Variants in CADPS2 observed in about 807,000 individuals in gnomAD.
CADPS2 encodes calcium dependent secretion activator 2, also known as calcium-dependent secretion activator 2.
CADPS2 carries 93 observed loss-of-function variants against 172.5 expected under a neutral mutation model. That is an observed-to-expected ratio of 0.54 (90% confidence interval 0.46 to 0.64). The LOEUF is 0.64. Ranked by LOEUF, CADPS2 falls within the 30% of genes least tolerant of loss-of-function variation. CADPS2 has a pLI of 0.00. For missense variants in CADPS2, 1,420 were observed against 1,565.9 expected (o/e 0.91, Z 1.57); for synonymous variants, 546 against 555.2 (o/e 0.98, Z 0.23).
intron 28 of CADPS2, among the ~76,000 whole-genome samples, chr7:122,334,023 C>T (rs964003748): frequency 4.6e-5 from 7 of 151,832 alleles, no homozygotes; most frequent in South Asian, 2.1e-4. Context: ...ATTAAATACA[C>T]GTTAAAGCTG....
intron 2 of CADPS2, among the ~76,000 whole-genome samples, chr7:122,723,650 C>A (rs2090745016): frequency 6.6e-6 from 1 of 152,110 alleles, no homozygotes; most frequent in Admixed American, 6.6e-5. Flanking sequence ...ACTAGAAATA[C>A]CATTTGACCC....
At chr7:122,797,981 G>A (rs1360955805) in intron 1 of CADPS2, among the ~76,000 whole-genome samples, 1 of 150,750 alleles carries the variant, frequency 6.6e-6, no homozygotes, top group East Asian at 1.9e-4. Context: ...TAATATTTGT[G>A]TCAAGTTTTT....
At chr7:122,322,944 C>T (rs1484632885) in intron 29 of CADPS2, among the ~76,000 whole-genome samples, 2 of 152,238 alleles carry the variant, frequency 1.3e-5, no homozygotes, top group East Asian at 3.9e-4. Context: ...CTCTGCTGAA[C>T]CATGCAGGCC....
At chr7:122,385,833 G>A (rs2043592817) in intron 24 of CADPS2, among the ~76,000 whole-genome samples, 1 of 151,976 alleles carries the variant, frequency 6.6e-6, no homozygotes, top group African/African-American at 2.4e-5. Context: ...TTTGGGTGTG[G>A]CCTCCTGGTT....
At chr7:122,676,551 A>C in intron 2 of CADPS2, 1 of 618,954 alleles carries the variant, frequency 1.6e-6, no homozygotes, top group East Asian at 3.1e-5. Flanking sequence ...CAGTTGGAGA[A>C]GGATGCTGTT....
chr7:122,581,412 T>C, intron 6 of CADPS2, 122 bp from the exon 7 acceptor site: 1 of 686,622 alleles, frequency 1.5e-6, no homozygotes, highest in South Asian at 1.9e-5. Context: ...CTTTTTATCT[T>C]TGCTTTTGTT....
At chr7:122,769,355 A>G (rs541032670) in intron 1 of CADPS2, among the ~76,000 whole-genome samples, 2 of 152,304 alleles carry the variant, frequency 1.3e-5, no homozygotes, top group East Asian at 3.9e-4. Context: ...AAAGCCATAC[A>G]TGGACCCACA....
At chr7:122,432,643 T>TAAAAAAAAAA (rs57311950) in intron 17 of CADPS2, among the ~76,000 whole-genome samples, 6 of 108,478 alleles carry the variant, frequency 5.5e-5, no homozygotes, top group East Asian at 2.6e-4. Flanking sequence ...TCTGTTAAAA[T>TAAAAAAAAAA]AAAAAAAAAA....
intron 8 of CADPS2, among the ~76,000 whole-genome samples, chr7:122,544,314 C>A (rs1484472474): frequency 2.6e-5 from 4 of 152,072 alleles, no homozygotes; most frequent in Non-Finnish European, 2.9e-5. Context: ...TATGATTAAT[C>A]CAGCTCCATG....
intron 14 of CADPS2, 24 bp from the exon 15 acceptor site, chr7:122,451,499 A>ATGAATTATTG: frequency 6.7e-6 from 9 of 1,342,298 alleles, no homozygotes; most frequent in South Asian, 1.4e-5. Context: ...CAGAATCAAT[A>ATGAATTATTG]ATTCATATTG....
chr7:122,735,162 TGTGATGCTATACTCAACCA>T (rs1206582444), intron 2 of CADPS2, among the ~76,000 whole-genome samples: 1 of 152,120 alleles, frequency 6.6e-6, no homozygotes, highest in African/African-American at 2.4e-5. Flanking sequence ...AGAATCAAGT[TGTGATGCTATACTCAACCA>T]GTCCATTCTA....
At chr7:122,481,403 C>T (rs2057291492) in intron 11 of CADPS2, among the ~76,000 whole-genome samples, 1 of 152,134 alleles carries the variant, frequency 6.6e-6, no homozygotes. Context: ...TCAATTCTGC[C>T]TTGACAATAA....
chr7:122,386,988 C>T lies in CADPS2; in HGVS notation c.3312+38G>A. Reference sequence around the variant, plus strand: ...AAGGGCATTTCCCATGCCAAGGCACCCTGTGCTGCCTTTCCCCATGTGGCA... The same window carrying T: ...AAGGGCATTTCCCATGCCAAGGCACTCTGTGCTGCCTTTCCCCATGTGGCA... On this transcript the variant is annotated intron_variant, in intron 24 of 29. Transcript: ENST00000449022. 2.6e-6 allele frequency: 4 copies of T among 1,544,378 alleles called. No homozygotes were observed. In the South Asian group the frequency reaches 3.6e-5, roughly 14 times the overall value.
intron 1 of CADPS2, among the ~76,000 whole-genome samples, chr7:122,785,434 G>A (rs935310749): frequency 3.9e-5 from 6 of 152,154 alleles, no homozygotes; most frequent in Non-Finnish European, 7.3e-5. Flanking sequence ...ATAATGCCCA[G>A]AACCAGTTTG....
chr7:122,542,674 G>GT (rs762468085), intron 8 of CADPS2, among the ~76,000 whole-genome samples: 1 of 151,760 alleles, frequency 6.6e-6, no homozygotes, highest in Non-Finnish European at 1.5e-5. Context: ...TCATTTTAAT[G>GT]TTTTACACAT....
At chr7:122,687,983 A>T (rs547972483) in intron 2 of CADPS2, among the ~76,000 whole-genome samples, 1 of 152,316 alleles carries the variant, frequency 6.6e-6, no homozygotes, top group East Asian at 1.9e-4. Flanking sequence ...CATCACCCAG[A>T]ATCTGTTCTA....
intron 2 of CADPS2, among the ~76,000 whole-genome samples, chr7:122,701,160 T>A (rs1007893873): frequency 3.9e-5 from 6 of 151,980 alleles, no homozygotes; most frequent in Admixed American, 2.0e-4. Context: ...GAAAAAAAAA[T>A]TTGTTTTTAA....
intron 1 of CADPS2, among the ~76,000 whole-genome samples, chr7:122,770,666 C>G (rs551986206): frequency 6.6e-5 from 10 of 152,154 alleles, no homozygotes; most frequent in Non-Finnish European, 1.0e-4. Context: ...ATGCAGAGAT[C>G]AATTATCCAG....
chr7:122,581,435 C>A (rs941638632), intron 6 of CADPS2, 145 bp from the exon 7 acceptor site: 1 of 621,394 alleles, frequency 1.6e-6, no homozygotes, highest in Admixed American at 2.9e-5. Context: ...TAGCAGATGG[C>A]ACAATCAAGA....
Sources: gnomAD v4.1 joint callset for allele counts (sites outside exome capture counted in the v4.1 genomes callset) on GRCh38, gnomAD v4.1.1 for gene constraint, MANE v1.5 for transcripts, NCBI Gene and HGNC (gene_info 2026-07-23, HGNC 2026-07-21) for gene names.